Variants in GALNT13 observed in about 807,000 individuals in gnomAD.
GALNT13 encodes polypeptide N-acetylgalactosaminyltransferase 13.
GALNT13 carries 28 observed loss-of-function variants against 64.2 expected under a neutral mutation model. The observed-to-expected ratio is 0.44, with a 90% confidence interval of 0.32 to 0.60. The LOEUF (loss-of-function observed/expected upper bound fraction) is 0.60. Ranked by LOEUF, GALNT13 falls within the 20% of genes least tolerant of loss-of-function variation. The pLI, the probability that GALNT13 is intolerant of heterozygous loss-of-function variation, is 0.05. For missense variants in GALNT13, 577 were observed against 669.8 expected, an observed-to-expected ratio of 0.86 and a Z score of 1.53; for synonymous variants, 214 against 224.6, an observed-to-expected ratio of 0.95 and a Z score of 0.42.
chr2:153,408,611 T>TCAGAGCC, the GALNT13 span, among the ~76,000 whole-genome samples: 1 of 152,138 alleles, frequency 6.6e-6, no homozygotes, highest in African/African-American at 2.4e-5. Context: ...CTCGCAGAGC[T>TCAGAGCC]CAGAGCCCAC....
At chr2:153,088,659 A>G in the GALNT13 span, among the ~76,000 whole-genome samples, 1 of 152,116 alleles carries the variant, frequency 6.6e-6, no homozygotes, top group Non-Finnish European at 1.5e-5. Flanking sequence ...AGATGCATAT[A>G]TATTTGGAAT....
chr2:153,164,945 C>T, the GALNT13 span, among the ~76,000 whole-genome samples: 1 of 152,156 alleles, frequency 6.6e-6, no homozygotes, highest in African/African-American at 2.4e-5. Context: ...GTACCATGGC[C>T]AATACAGTAC....
chr2:153,478,158 T>C, the GALNT13 span: 6 of 1,176,736 alleles, frequency 5.1e-6, no homozygotes, highest in Non-Finnish European at 7.2e-6. Flanking sequence ...CTTCGCCCAG[T>C]CTCTGATAGT....
intron 9 of GALNT13, among the ~76,000 whole-genome samples, chr2:154,335,753 A>G (rs1056495721): frequency 6.6e-6 from 1 of 152,102 alleles, no homozygotes; most frequent in African/African-American, 2.4e-5. Context: ...ATTCTCGGTT[A>G]TGTAAATCTG....
chr2:154,147,156 C>T (rs1227269702), intron 4 of GALNT13, among the ~76,000 whole-genome samples: 6 of 151,810 alleles, frequency 4.0e-5, no homozygotes, highest in Non-Finnish European at 5.9e-5. Flanking sequence ...ACTCTATAGC[C>T]GTTAAACAGG....
At chr2:153,234,960 G>T in the GALNT13 span, among the ~76,000 whole-genome samples, 1 of 152,104 alleles carries the variant, frequency 6.6e-6, no homozygotes, top group Non-Finnish European at 1.5e-5. Flanking sequence ...TCACATTTTG[G>T]TAATTTTAGC....
the GALNT13 span, among the ~76,000 whole-genome samples, chr2:153,141,940 C>G: frequency 6.6e-6 from 1 of 151,830 alleles, no homozygotes; most frequent in Non-Finnish European, 1.5e-5. Flanking sequence ...AATTAATGAA[C>G]CAAAAATATC....
At chr2:153,208,189 T>C in the GALNT13 span, 3 of 152,200 alleles carry the variant, frequency 2.0e-5, no homozygotes, top group Admixed American at 6.5e-5. Context: ...TTATTTAATG[T>C]ATGCTTTAAT....
At chr2:154,346,518 C>G (rs558154213) in intron 9 of GALNT13, among the ~76,000 whole-genome samples, 126 of 152,178 alleles carry the variant, frequency 8.3e-4, no homozygotes, top group African/African-American at 2.9e-3. Context: ...GTGAATAAGT[C>G]TCACGAGATC....
At chr2:154,196,266 A>C (rs1016833802) in intron 4 of GALNT13, among the ~76,000 whole-genome samples, 3 of 152,092 alleles carry the variant, frequency 2.0e-5, no homozygotes, top group Non-Finnish European at 2.9e-5. Flanking sequence ...GTGAGAATTC[A>C]GATCAAACCA....
intron 12 of GALNT13, among the ~76,000 whole-genome samples, chr2:154,447,830 T>C (rs534504317): frequency 6.6e-6 from 1 of 152,160 alleles, no homozygotes; most frequent in African/African-American, 2.4e-5. Context: ...GAGCAATTTA[T>C]GTGTATTATC....
the GALNT13 span, among the ~76,000 whole-genome samples, chr2:153,699,718 A>G: frequency 2.0e-5 from 3 of 152,182 alleles, no homozygotes; most frequent in Non-Finnish European, 2.9e-5. Flanking sequence ...AAACACCTCT[A>G]TGCAAATAAC....
At chr2:153,611,679 C>CTTTTTTTTT in the GALNT13 span, among the ~76,000 whole-genome samples, 7 of 104,396 alleles carry the variant, frequency 6.7e-5, no homozygotes, top group South Asian at 3.9e-4. Context: ...ACATTTTTAC[C>CTTTTTTTTT]TTTTTTTTTT....
At chr2:153,561,966 T>C in the GALNT13 span, among the ~76,000 whole-genome samples, 1 of 152,084 alleles carries the variant, frequency 6.6e-6, no homozygotes, top group Non-Finnish European at 1.5e-5. Context: ...CTCTTATTTC[T>C]TCTTTACCAA....
At chr2:154,214,556 T>C (rs964693092) in intron 4 of GALNT13, among the ~76,000 whole-genome samples, 4 of 152,240 alleles carry the variant, frequency 2.6e-5, no homozygotes, top group Middle Eastern at 6.8e-3. Context: ...GTGGAGATAA[T>C]TGAATCATGG....
the GALNT13 span, among the ~76,000 whole-genome samples, chr2:153,630,934 A>G: frequency 9.0e-4 from 135 of 150,304 alleles, no homozygotes; most frequent in African/African-American, 3.1e-3. Flanking sequence ...TACATTAGGT[A>G]TATCTCCTAG....
intron 9 of GALNT13, among the ~76,000 whole-genome samples, chr2:154,326,390 G>A (rs1694876183): frequency 6.6e-6 from 1 of 150,602 alleles, no homozygotes; most frequent in Non-Finnish European, 1.5e-5. Flanking sequence ...ATATTTTAAT[G>A]TATATATGTT....
chr2:153,417,791 C>G, the GALNT13 span, among the ~76,000 whole-genome samples: 1 of 152,038 alleles, frequency 6.6e-6, no homozygotes, highest in Non-Finnish European at 1.5e-5. Context: ...GCAGTTGGAG[C>G]TCAGTAGAAA....
At chr2:154,298,560 TA>T (rs1693111205) in intron 8 of GALNT13, among the ~76,000 whole-genome samples, 1 of 61,852 alleles carries the variant, frequency 1.6e-5, no homozygotes, top group African/African-American at 5.4e-5. Context: ...ATTGTATATA[TA>T]ATTTATATAT....
Sources: gnomAD v4.1 joint callset for allele counts (sites outside exome capture counted in the v4.1 genomes callset) on GRCh38, gnomAD v4.1.1 for gene constraint, MANE v1.5 for transcripts, NCBI Gene and HGNC (gene_info 2026-07-23, HGNC 2026-07-21) for gene names.